Variants in SUN5 observed in about 807,000 individuals in gnomAD.
SUN5 encodes the protein SUN domain-containing protein 5.
Under a neutral mutation model 53.7 loss-of-function variants are expected in SUN5, and 44 were observed. That is an observed-to-expected ratio of 0.82 (90% CI 0.64 to 1.05). The LOEUF is 1.05. Ranked by LOEUF, SUN5 falls within the 50% of genes least tolerant of loss-of-function variation. The pLI is 0.00. For synonymous variants in SUN5, 166 were observed against 179.8 expected, an observed-to-expected ratio of 0.92 and a Z score of 0.62; for missense variants, 433 against 483.8, an observed-to-expected ratio of 0.90 and a Z score of 0.98.
rs7268233 is a variant in SUN5 at position 33,003,700 on chromosome 20, C to T, written c.77+564G>A. Among the ~76,000 whole-genome samples the T allele has an allele frequency of 7.3e-3, 1,105 of 152,156 alleles. 15 individuals carry two copies. The highest frequency in any genetic ancestry group is 0.025 in the African/African-American group (1,049 of 41,494). ...CCCAATTGTACTAATACATTGTTTA[C>T]CCTTCCCAAATGTACAGATTTATGG... is the stretch of plus-strand genomic sequence containing the variant. On this transcript the variant is annotated intron_variant, in intron 1 of 12. Coordinates refer to ENST00000356173, the MANE Select transcript of SUN5 (RefSeq NM_080675.4).
At chr20:32,990,898 T>A (rs969592108) in intron 8 of SUN5, among the ~76,000 whole-genome samples, 5 of 152,236 alleles carry the variant, frequency 3.3e-5, no homozygotes, top group Admixed American at 3.3e-4. Flanking sequence ...AGTTTTGGGA[T>A]GGTTTGCTAT....
At position 32,993,831 on chromosome 20, in the gene SUN5, C is replaced by T. The variant is rs114987422; in HGVS notation, c.534+1788G>A. Among the ~76,000 whole-genome samples, 1,348 of 152,276 alleles carry T rather than the reference C, an allele frequency of 8.9e-3. 14 individuals are homozygous for T. The highest frequency in any genetic ancestry group is 0.034 in the Middle Eastern group (10 of 294). On this transcript the variant is annotated intron_variant, in intron 8 of 12. Transcript: ENST00000356173. ...TATTAATTCGAATTGTTAACATTTT[C>T]CCAGGTGATACTGATGATGCAGGCA...
At position 32,985,716 on chromosome 20, in the gene SUN5, C is replaced by T. The variant is rs768672931; in HGVS notation, c.897+20G>A. ...GTTGTCCCTTTAGCTAAGCATAGCTCCCTGCAGGGGAGTGCTCACATAGAT... is the reference window on the plus strand; with the variant it reads ...GTTGTCCCTTTAGCTAAGCATAGCTTCCTGCAGGGGAGTGCTCACATAGAT... On this transcript the variant is annotated intron_variant, in intron 11 of 12. Transcript: ENST00000356173. 1.2e-6 allele frequency: 2 copies of T among 1,612,606 alleles called. No homozygotes were observed. The highest frequency in any genetic ancestry group is 1.7e-6 in the Non-Finnish European group (2 of 1,179,184).
intron 10 of SUN5, 59 bp downstream of exon 10, chr20:32,987,601 C>T: frequency 6.9e-7 from 1 of 1,458,946 alleles, no homozygotes; most frequent in Admixed American, 2.0e-5. Context: ...AGCTCCTGTC[C>T]CCAAACCCTG....
intron 8 of SUN5, 112 bp from the exon 9 acceptor site, chr20:32,989,810 GC>G: frequency 1.2e-6 from 1 of 839,434 alleles, no homozygotes. Flanking sequence ...CTCCCTAACA[GC>G]CCACCCCTGC....
intron 7 of SUN5, 117 bp downstream of exon 7, chr20:32,996,207 A>G (rs1989841707): frequency 9.5e-7 from 1 of 1,048,728 alleles, no homozygotes. Flanking sequence ...GGGAGTTAGG[A>G]TTTAAACCCA....
chr20:32,999,862 T>A (rs776736502), intron 5 of SUN5: 1 of 1,499,304 alleles, frequency 6.7e-7, no homozygotes, highest in Non-Finnish European at 9.0e-7. Context: ...ATAACACGGT[T>A]TGGGGAGAGC....
chr20:32,998,745 G>C (rs929182476), intron 5 of SUN5, among the ~76,000 whole-genome samples: 1 of 151,972 alleles, frequency 6.6e-6, no homozygotes, highest in African/African-American at 2.4e-5. Context: ...TAGGCCAGGC[G>C]TGGTGTCTCA....
intron 4 of SUN5, 116 bp downstream of exon 4, chr20:33,001,096 G>T: frequency 1.6e-6 from 2 of 1,213,336 alleles, no homozygotes; most frequent in Non-Finnish European, 2.3e-6. Flanking sequence ...CCAGGTTTGG[G>T]ATAGCTTTTC....
chr20:33,002,528 C>T (rs1990077070), intron 3 of SUN5, 59 bp downstream of exon 3: 5 of 1,574,646 alleles, frequency 3.2e-6, no homozygotes, highest in Non-Finnish European at 4.4e-6. Flanking sequence ...TGGGCCGAGG[C>T]TGGACCCTCT....
In SUN5 at chr20:33,001,240, C is replaced by T. The variant is rs1298200989; in HGVS notation, c.250G>A (p.Ala84Thr). The change falls in exon 4 of 13, where the codon GCC (alanine) becomes ACC (threonine). Residue 84 changes from alanine to threonine, a missense_variant. Transcript: ENST00000356173. ...TCFACSLRTQ[A>T]QQVLFNTCRC... ...CACGTGTTAAACAGAACCTGCTGGG[C>T]CTGAGTTCTCAGGGAGCAGGCAAAA... The T allele has an allele frequency of 6.3e-7, 1 of 1,578,450 alleles. No homozygotes were observed. Among genetic ancestry groups the T allele is most frequent in the South Asian group, 1.2e-5 (1 of 86,310 alleles).
rs571337166 is a variant in SUN5 at position 32,990,314 on chromosome 20, G to A, written c.535-616C>T. On this transcript the variant is annotated intron_variant, in intron 8 of 12. Transcript: ENST00000356173. ...ACCGCTCCACTCTGCTGCCAGATGC[G>A]GATGGCAAAGCACTTAGCACAGTAG... 2.0e-4 allele frequency among the ~76,000 whole-genome samples: 31 copies of A among 152,304 alleles called. 1 individual carries two copies. The highest frequency in any genetic ancestry group is 6.7e-4 in the African/African-American group (28 of 41,562).
chr20:33,002,818 C>A, intron 2 of SUN5, 43 bp downstream of exon 2: 1 of 1,612,748 alleles, frequency 6.2e-7, no homozygotes, highest in Non-Finnish European at 8.5e-7. Context: ...GCCTCAGCCC[C>A]TCAGCTGCCC....
chr20:32,992,600 T>C (rs1357488314), intron 8 of SUN5, among the ~76,000 whole-genome samples: 2 of 152,198 alleles, frequency 1.3e-5, no homozygotes, highest in Non-Finnish European at 2.9e-5. Flanking sequence ...ATAGATACAC[T>C]GGACTTAATT....
chr20:32,996,343 C>A lies in SUN5; in HGVS notation c.406G>T (p.Gly136Cys), dbSNP rs1032895825. 10 of 1,613,224 alleles carry A rather than the reference C, an allele frequency of 6.2e-6. No homozygotes were observed. Among genetic ancestry groups the A allele is most frequent in the Non-Finnish European group, 8.5e-6 (10 of 1,179,442 alleles). ...TCTTACCTCAAGCTCTGCAGTGGAC[C>A]ATTTATGCTGTCATCCTGGTGGAGT... ...MKVWQDDSIN[G>C]PLQSLRLYQE... Residue 136 changes from glycine (G) to cysteine (C), a missense_variant, in exon 7 of 13, where the codon GGT (glycine) becomes TGT (cysteine). Physicochemically the swap from Gly to Cys is radical, Grantham distance 159. Coordinates refer to ENST00000356173, the MANE Select transcript of SUN5 (RefSeq NM_080675.4).
chr20:32,994,860 T>A (rs1989800562), intron 8 of SUN5, among the ~76,000 whole-genome samples: 1 of 134,674 alleles, frequency 7.4e-6, no homozygotes. Flanking sequence ...AGAGGGAGAC[T>A]CCATTAAAAA....
chr20:32,994,943 C>A (rs922197981), intron 8 of SUN5, among the ~76,000 whole-genome samples: 14 of 150,874 alleles, frequency 9.3e-5, no homozygotes, highest in African/African-American at 3.4e-4. Flanking sequence ...ATTAGTAAAC[C>A]TGAAGAAAGG....
In SUN5 at chr20:33,002,603, G is replaced by A. The variant is rs1482282087; in HGVS notation, c.195C>T (p.Cys65=). The change falls in exon 3 of 13, where the codon TGC becomes TGT. Residue 65 remains cysteine (C), a synonymous_variant. Coordinates refer to ENST00000356173, the MANE Select transcript of SUN5 (RefSeq NM_080675.4). ...TATACGTACACACACATCCCAGCAT[G>A]CACTGAGTCAGGCCTAGGGCTTGGT... ...NNDQALGLTQ[C]MLGCVSWFTC... is the part of the protein sequence containing the mutation. The A allele has an allele frequency of 6.2e-7, 1 of 1,614,090 alleles. No homozygotes were observed. The highest frequency in any genetic ancestry group is 8.5e-7 in the Non-Finnish European group (1 of 1,180,024).
intron 6 of SUN5, among the ~76,000 whole-genome samples, chr20:32,996,716 A>T (rs1028663536): frequency 2.6e-5 from 4 of 151,086 alleles, no homozygotes; most frequent in African/African-American, 7.3e-5. Context: ...CTATCCACCA[A>T]CCCACCCACC....
Sources: allele counts gnomAD v4.1 joint callset (sites outside exome capture counted in the v4.1 genomes callset), GRCh38; gene constraint gnomAD v4.1.1; transcripts MANE v1.5; gene names NCBI Gene and HGNC (gene_info 2026-07-23, HGNC 2026-07-21).